The following ATG5 variants were observed in gnomAD, a reference collection of about 807,000 sequenced individuals.
The protein encoded by ATG5 is autophagy related 5.
ATG5 carries 14 observed loss-of-function variants against 36.5 expected under a neutral mutation model. That is an observed-to-expected ratio of 0.38 (90% CI 0.25 to 0.60). ATG5 has a LOEUF of 0.60. ATG5 is among the 20% of genes least tolerant of loss of function. The pLI is 0.60. For synonymous variants in ATG5, 95 were observed against 101.5 expected (o/e 0.94, Z 0.38); for missense variants, 195 against 326.7 (o/e 0.60, Z 3.11).
At chr6:106,202,133 T>C (rs1184511560) in intron 6 of ATG5, 44 bp from the exon 7 acceptor site, 4 of 1,470,598 alleles carry the variant, frequency 2.7e-6, no homozygotes, top group Non-Finnish European at 3.8e-6. Flanking sequence ...TAAGTCTTTG[T>C]TGCTGCCAAT....
At chr6:106,264,635 C>A (rs192696669) in intron 5 of ATG5, among the ~76,000 whole-genome samples, 1 of 152,274 alleles carries the variant, frequency 6.6e-6, no homozygotes, top group East Asian at 1.9e-4. Flanking sequence ...AGACTAACAG[C>A]GGATCTCTCT....
intron 5 of ATG5, among the ~76,000 whole-genome samples, chr6:106,276,860 T>A (rs1296255168): frequency 6.6e-6 from 1 of 152,212 alleles, no homozygotes; most frequent in African/African-American, 2.4e-5. Flanking sequence ...AACAAGGCAC[T>A]ACACCTTCTT....
intron 2 of ATG5, among the ~76,000 whole-genome samples, chr6:106,314,513 C>T (rs1174485123): frequency 6.6e-6 from 1 of 152,084 alleles, no homozygotes; most frequent in Non-Finnish European, 1.5e-5. Context: ...GCCGAGATGG[C>T]ACTACTGCCC....
At chr6:106,237,308 T>C (rs577826726) in intron 6 of ATG5, among the ~76,000 whole-genome samples, 8 of 152,278 alleles carry the variant, frequency 5.3e-5, no homozygotes, top group African/African-American at 1.9e-4. Flanking sequence ...TCCAATGAAA[T>C]CTTCATTAAC....
At chr6:106,187,701 G>T (rs1372722677) in intron 7 of ATG5, among the ~76,000 whole-genome samples, 1 of 152,114 alleles carries the variant, frequency 6.6e-6, no homozygotes, top group Non-Finnish European at 1.5e-5. Context: ...TGTTCAAAAT[G>T]ACTTTTGAAT....
At chr6:106,235,959 C>A (rs1241655447) in intron 6 of ATG5, among the ~76,000 whole-genome samples, 1 of 152,176 alleles carries the variant, frequency 6.6e-6, no homozygotes, top group Admixed American at 6.5e-5. Context: ...CCTAAAAGTT[C>A]CTTCTTGTCC....
chr6:106,313,085 TG>T (rs1440839850), intron 2 of ATG5, among the ~76,000 whole-genome samples: 2 of 151,556 alleles, frequency 1.3e-5, no homozygotes, highest in African/African-American at 4.9e-5. Context: ...AAGGCAGAGG[TG>T]GAGGTGGGAG....
intron 3 of ATG5, among the ~76,000 whole-genome samples, chr6:106,302,304 CACCTGGAAAG>C (rs1433711580): frequency 6.6e-6 from 1 of 152,048 alleles, no homozygotes; most frequent in Non-Finnish European, 1.5e-5. Flanking sequence ...TAGCTTAGTA[CACCTGGAAAG>C]ACCTGGAAAG....
At chr6:106,284,194 T>C (rs546900090) in intron 4 of ATG5, among the ~76,000 whole-genome samples, 1 of 152,354 alleles carries the variant, frequency 6.6e-6, no homozygotes, top group African/African-American at 2.4e-5. Flanking sequence ...CTCTTGGGAA[T>C]ATTACTAGGA....
intron 6 of ATG5, among the ~76,000 whole-genome samples, chr6:106,223,641 GA>G (rs761531809): frequency 1.3e-5 from 2 of 152,172 alleles, no homozygotes; most frequent in Admixed American, 6.5e-5. Context: ...ACTATAGGAG[GA>G]AACAGTCTCT....
intron 1 of ATG5, among the ~76,000 whole-genome samples, 190 bp from the exon 2 acceptor site, chr6:106,316,456 C>T (rs2787553): frequency 0.12 from 17,806 of 151,406 alleles, 1,145 homozygotes; most frequent in African/African-American, 0.17. Context: ...AAAATTATTA[C>T]TTATGTAAAG....
intron 5 of ATG5, among the ~76,000 whole-genome samples, chr6:106,256,982 C>T (rs967832699): frequency 6.6e-6 from 1 of 152,210 alleles, no homozygotes; most frequent in Non-Finnish European, 1.5e-5. Flanking sequence ...CAAACACGTA[C>T]AGCCGCATAA....
Position 106,308,298 on chromosome 6 carries a change from A to G in ATG5, c.236+66T>C, listed in dbSNP as rs995658626. ...GCAGGACTTTTTTTACAATTGTTTCAGGGCACTATACCTTTTTAAAGCTAG... is the reference window on the plus strand; with the variant it reads ...GCAGGACTTTTTTTACAATTGTTTCGGGGCACTATACCTTTTTAAAGCTAG... On this transcript the variant is annotated intron_variant, in intron 3 of 7. Transcript: ENST00000369076. The G allele has an allele frequency of 2.2e-6, 3 of 1,345,232 alleles. No homozygotes were observed. In the African/African-American group the frequency reaches 4.5e-5, roughly 20 times the overall value. 83.3% of individuals were successfully genotyped at this position (1,345,232 alleles called of 1,614,324 possible).
At chr6:106,224,288 G>A (rs1777361143) in intron 6 of ATG5, among the ~76,000 whole-genome samples, 1 of 152,142 alleles carries the variant, frequency 6.6e-6, no homozygotes, top group Admixed American at 6.5e-5. Context: ...GAAAAAGCAG[G>A]TAGAAAAATC....
intron 6 of ATG5, among the ~76,000 whole-genome samples, chr6:106,222,441 A>C (rs1197028619): frequency 6.6e-6 from 1 of 152,218 alleles, no homozygotes; most frequent in Non-Finnish European, 1.5e-5. Flanking sequence ...GTAAAATTCC[A>C]GAATTTTAGC....
At chr6:106,244,138 T>G (rs1450650226) in intron 6 of ATG5, among the ~76,000 whole-genome samples, 1 of 152,062 alleles carries the variant, frequency 6.6e-6, no homozygotes, top group Non-Finnish European at 1.5e-5. Flanking sequence ...CAGGCTGGTC[T>G]CATTTTAACT....
At position 106,283,067 on chromosome 6, in the gene ATG5, G is replaced by A. The variant is rs558591915; in HGVS notation, c.316-3244C>T. Among the ~76,000 whole-genome samples, 10 of 151,886 alleles carry A rather than the reference G, an allele frequency of 6.6e-5. 1 individual carries two copies. The South Asian group carries it at 1.5e-3, about 22-fold the overall frequency. On this transcript the variant is annotated intron_variant, in intron 4 of 7. Transcript: ENST00000369076. ...CAGCCTCCCAAAGTACTGGGATTAC[G>A]GGCATGAGCCACTGCACCTGGCCTA...
At chr6:106,212,062 C>T (rs1776872433) in intron 6 of ATG5, among the ~76,000 whole-genome samples, 1 of 152,022 alleles carries the variant, frequency 6.6e-6, no homozygotes, top group Admixed American at 6.6e-5. Context: ...TAGCAAAGTT[C>T]ATTTATTGAT....
chr6:106,195,728 T>A (rs1776150124), intron 7 of ATG5, among the ~76,000 whole-genome samples: 1 of 148,350 alleles, frequency 6.7e-6, no homozygotes, highest in Non-Finnish European at 1.5e-5. Context: ...ACAGATGTAC[T>A]CACCTACAGC....
Sources: gnomAD v4.1 joint callset for allele counts (sites outside exome capture counted in the v4.1 genomes callset) on GRCh38, gnomAD v4.1.1 for gene constraint, MANE v1.5 for transcripts, NCBI Gene and HGNC (gene_info 2026-07-23, HGNC 2026-07-21) for gene names.